LRRTM4: variants seen among roughly 807,000 people sequenced by gnomAD.
The protein encoded by LRRTM4 is leucine rich repeat transmembrane neuronal 4, also known as leucine-rich repeat transmembrane neuronal protein 4.
In LRRTM4, 25 loss-of-function variants were observed where a neutral mutation model predicts 47.6. That is an observed-to-expected ratio of 0.53 (90% confidence interval 0.38 to 0.73). The LOEUF is 0.73. LRRTM4 is among the 30% of genes least tolerant of loss of function. LRRTM4 has a pLI of 0.00. For missense variants in LRRTM4, 638 were observed against 713.4 expected, an observed-to-expected ratio of 0.89 and a Z score of 1.20; for synonymous variants, 311 against 269.5, an observed-to-expected ratio of 1.15 and a Z score of -1.51.
At chr2:76,962,292 T>C (rs1383609373) in intron 3 of LRRTM4, among the ~76,000 whole-genome samples, 1 of 151,214 alleles carries the variant, frequency 6.6e-6, no homozygotes, top group Admixed American at 6.6e-5. Context: ...AAAATTTCAA[T>C]ACAAAGTAAT....
chr2:77,459,927 A>G (rs1026094636), intron 3 of LRRTM4, among the ~76,000 whole-genome samples: 2 of 152,106 alleles, frequency 1.3e-5, no homozygotes, highest in Non-Finnish European at 2.9e-5. Context: ...GCCTCTTACT[A>G]TGTTTAGACA....
intron 3 of LRRTM4, among the ~76,000 whole-genome samples, chr2:77,345,010 A>G (rs1573287017): frequency 1.3e-5 from 2 of 151,414 alleles, no homozygotes; most frequent in South Asian, 4.1e-4. Context: ...AGTTATTGAT[A>G]ATATAATAAT....
chr2:76,941,819 C>T (rs11895300), intron 3 of LRRTM4, among the ~76,000 whole-genome samples: 44,151 of 152,002 alleles, frequency 0.29, 8,317 homozygotes, highest in African/African-American at 0.54. Context: ...ATCCTTTGGG[C>T]ATATACCCAG....
intron 3 of LRRTM4, among the ~76,000 whole-genome samples, chr2:76,786,541 T>C (rs1159937445): frequency 7.4e-6 from 1 of 134,478 alleles, no homozygotes; most frequent in African/African-American, 2.6e-5. Context: ...TTGAAGGAGT[T>C]GTCTGATTCA....
intron 3 of LRRTM4, among the ~76,000 whole-genome samples, chr2:76,881,598 T>C (rs1672931365): frequency 1.3e-5 from 2 of 152,012 alleles, no homozygotes; most frequent in African/African-American, 4.8e-5. Flanking sequence ...TGTTTTAAAT[T>C]CTCCTTGTGA....
At chr2:76,804,350 G>A (rs547502626) in intron 3 of LRRTM4, among the ~76,000 whole-genome samples, 5 of 152,020 alleles carry the variant, frequency 3.3e-5, no homozygotes, top group East Asian at 3.9e-4. Flanking sequence ...TGATAATTGC[G>A]TTGCTTGAAA....
At chr2:76,753,166 A>C (rs1317294784) in intron 3 of LRRTM4, among the ~76,000 whole-genome samples, 1 of 152,212 alleles carries the variant, frequency 6.6e-6, no homozygotes, top group Non-Finnish European at 1.5e-5. Context: ...AGGAACCATT[A>C]TGACTAATTA....
chr2:77,439,241 T>G (rs1023237353), intron 3 of LRRTM4, among the ~76,000 whole-genome samples: 1 of 152,208 alleles, frequency 6.6e-6, no homozygotes, highest in African/African-American at 2.4e-5. Context: ...GTACAGCTCT[T>G]AGAAGTCCTA....
chr2:77,521,613 TAGGA>T (rs2104141662), intron 2 of LRRTM4, 51 bp downstream of exon 2: 1 of 1,607,604 alleles, frequency 6.2e-7, no homozygotes, highest in East Asian at 2.2e-5. Flanking sequence ...CGACTGAGGA[TAGGA>T]AGCCAAGAGG....
intron 3 of LRRTM4, among the ~76,000 whole-genome samples, chr2:76,755,703 G>C (rs941748576): frequency 1.3e-5 from 2 of 152,256 alleles, no homozygotes; most frequent in South Asian, 4.1e-4. Context: ...AAATGAGAGA[G>C]AGCACTGGAG....
At chr2:76,912,253 A>G (rs1167648120) in intron 3 of LRRTM4, among the ~76,000 whole-genome samples, 1 of 152,168 alleles carries the variant, frequency 6.6e-6, no homozygotes, top group Non-Finnish European at 1.5e-5. Flanking sequence ...TATGAATATA[A>G]TAAAATAACA....
At chr2:77,411,455 T>C (rs1213778072) in intron 3 of LRRTM4, among the ~76,000 whole-genome samples, 85 of 108,178 alleles carry the variant, frequency 7.9e-4, no homozygotes, top group African/African-American at 3.8e-3. Context: ...TTTCTTCTTT[T>C]TTTTTTTTTT....
At position 77,056,107 on chromosome 2, in the gene LRRTM4, G is replaced by C. The variant is rs543835674; in HGVS notation, c.1552-307191C>G. 4.4e-4 allele frequency among the ~76,000 whole-genome samples: 67 copies of C among 150,978 alleles called. 1 individual carries two copies. The highest frequency in any genetic ancestry group is 3.4e-3 in the Middle Eastern group (1 of 292). On this transcript the variant is annotated intron_variant, in intron 3 of 3. Coordinates refer to ENST00000409884, the MANE Select transcript of LRRTM4 (RefSeq NM_001134745.3). ...CTAATGCTAAATGACGAGTTAATGG[G>C]TGCAGCACACCAGCATGGCACATGT... is the stretch of plus-strand genomic sequence containing the variant.
chr2:76,992,818 A>G (rs892573973), intron 3 of LRRTM4, among the ~76,000 whole-genome samples: 16 of 134,524 alleles, frequency 1.2e-4, no homozygotes, highest in Non-Finnish European at 2.5e-4. Flanking sequence ...ATAGCCAAAG[A>G]AATCCTGAGG....
intron 3 of LRRTM4, among the ~76,000 whole-genome samples, chr2:77,007,024 G>T (rs1558793488): frequency 6.6e-6 from 1 of 151,886 alleles, no homozygotes; most frequent in African/African-American, 2.4e-5. Flanking sequence ...TGTTGGCTTT[G>T]TTTTTTGTTT....
intron 3 of LRRTM4, among the ~76,000 whole-genome samples, chr2:77,299,571 G>A (rs781766446): frequency 9.2e-5 from 14 of 151,984 alleles, no homozygotes; most frequent in East Asian, 1.9e-4. Flanking sequence ...CTGGGAAATT[G>A]TTTTCCTTTT....
chr2:76,829,102 G>C (rs1424444906), intron 3 of LRRTM4, among the ~76,000 whole-genome samples: 1 of 151,918 alleles, frequency 6.6e-6, no homozygotes, highest in African/African-American at 2.4e-5. Context: ...CACAGTCTTA[G>C]ACATCAGGAT....
rs898781745 is a variant in LRRTM4, at chr2:77,019,121, T to C, written c.1552-270205A>G. Reference sequence around the variant, plus strand: ...TATGAAAAACTTCTTGAATGAAATATGGAAACTCAATTTTTAGACTTGTTA... The same window carrying C: ...TATGAAAAACTTCTTGAATGAAATACGGAAACTCAATTTTTAGACTTGTTA... On this transcript the variant is annotated intron_variant, in intron 3 of 3. Coordinates refer to ENST00000409884, the MANE Select transcript of LRRTM4 (RefSeq NM_001134745.3). Among the ~76,000 whole-genome samples the C allele has an allele frequency of 5.3e-5, 8 of 151,944 alleles. No homozygotes were observed. In the South Asian group the frequency reaches 1.2e-3, roughly 24 times the overall value.
chr2:77,038,660 C>G (rs1351162080), intron 3 of LRRTM4, among the ~76,000 whole-genome samples: 2 of 151,384 alleles, frequency 1.3e-5, no homozygotes, highest in Non-Finnish European at 3.0e-5. Context: ...CTTCTTGTCC[C>G]CTAGTTTTAG....
Sources: allele counts gnomAD v4.1 joint callset (sites outside exome capture counted in the v4.1 genomes callset), GRCh38; gene constraint gnomAD v4.1.1; transcripts MANE v1.5; gene names NCBI Gene and HGNC (gene_info 2026-07-23, HGNC 2026-07-21).